PCDH1: variants seen among roughly 807,000 people sequenced by gnomAD.
PCDH1 encodes the protein protocadherin-1.
A neutral mutation model predicts 74.6 loss-of-function variants in PCDH1; 23 were observed. The observed-to-expected ratio is 0.31, with a 90% CI of 0.22 to 0.44. PCDH1 has a LOEUF of 0.44. PCDH1 is among the 20% of genes least tolerant of loss of function. The pLI is 1.00. For missense variants in PCDH1, 1,214 were observed against 1,641.4 expected (o/e 0.74, Z 4.50); for synonymous variants, 647 against 686.1 (o/e 0.94, Z 0.89).
intron 4 of PCDH1, among the ~76,000 whole-genome samples, chr5:141,855,703 C>T (rs2126802902): frequency 6.6e-6 from 1 of 152,272 alleles, no homozygotes; most frequent in South Asian, 2.1e-4. Flanking sequence ...GAGGCACACA[C>T]TCACATCCAC....
chr5:141,856,286 G>C lies in PCDH1; in HGVS notation c.3319+966C>G, dbSNP rs147124795. On this transcript the variant is annotated intron_variant, in intron 4 of 4. Transcript: ENST00000287008. ...CTCTGCGCGGGCACAAAAAGGATGA[G>C]ACGGGCATGAGATCGCGCATGGAGG... 245 of 1,528,002 alleles carry C rather than the reference G, an allele frequency of 1.6e-4. 1 individual carries two copies. The African/African-American group carries it at 2.9e-3, about 18-fold the overall frequency. The allele number at this position is 1,528,002 out of a possible 1,614,324, so 94.7% of individuals were successfully genotyped here. A position where few individuals can be genotyped will look rare whatever the true frequency, so the allele number is the denominator to read the frequency against.
chr5:141,878,176 C>G lies in PCDH1; in HGVS notation c.40+47G>C. 7.0e-7 allele frequency: 1 copy of G among 1,428,042 alleles called. No individual in the cohort carries two copies. Among genetic ancestry groups the G allele is most frequent in the East Asian group, 3.1e-5 (1 of 31,766 alleles). The allele number at this position is 1,428,042 out of a possible 1,614,324, so 88.5% of individuals were successfully genotyped here. A position where few individuals can be genotyped will look rare whatever the true frequency, so the allele number is the denominator to read the frequency against. On this transcript the variant is annotated intron_variant, in intron 1 of 4. Coordinates refer to ENST00000287008, the MANE Select transcript of PCDH1 (RefSeq NM_032420.5). This position sits in a 1 kb window ranked among gnomAD's most constrained non-coding sequence, Gnocchi z 5.5. ...CCTCAGCTCCCGCCGGCCATGACCG[C>G]TTCGGGCCCCAAGCCGCTGCTGCCT...
intron 1 of PCDH1, among the ~76,000 whole-genome samples, chr5:141,874,508 CAGAT>C (rs1249563594): frequency 6.6e-6 from 1 of 152,176 alleles, no homozygotes; most frequent in African/African-American, 2.4e-5. Context: ...CCATGTCCCT[CAGAT>C]AGAGGAGCAG....
At chr5:141,867,501 A>G (rs770855841) in intron 2 of PCDH1, 361 of 435,214 alleles carry the variant, frequency 8.3e-4, no homozygotes, top group Non-Finnish European at 1.2e-3. Context: ...GATATAATAC[A>G]CATCATGTGT....
chr5:141,871,174 G>A (rs543199675), intron 1 of PCDH1, among the ~76,000 whole-genome samples: 4 of 152,224 alleles, frequency 2.6e-5, no homozygotes, highest in Non-Finnish European at 4.4e-5. Context: ...ACAGTACTCT[G>A]TACACTCACT....
At chr5:141,866,636 A>G (rs558166145) in intron 2 of PCDH1, among the ~76,000 whole-genome samples, 25 of 152,246 alleles carry the variant, frequency 1.6e-4, no homozygotes, top group Admixed American at 8.5e-4. Context: ...CCAAGTAACT[A>G]TGTGACCTTG....
intron 1 of PCDH1, among the ~76,000 whole-genome samples, chr5:141,874,668 C>T (rs769580112): frequency 2.6e-5 from 4 of 152,178 alleles, no homozygotes; most frequent in Admixed American, 6.5e-5. Context: ...CAGCCCACCC[C>T]GGGGACCAAG....
rs1322349520 is a variant in PCDH1, at chr5:141,863,423, G to A, written c.2908C>T (p.Arg970Cys). The A allele has an allele frequency of 9.0e-6, 14 of 1,561,230 alleles. No individual in the cohort carries two copies. Among genetic ancestry groups the A allele is most frequent in the Middle Eastern group, 1.7e-4 (1 of 5,818 alleles). Residue 970 changes from arginine (R) to cysteine (C), a missense_variant, in exon 3 of 5, where the codon CGC becomes TGC. Coordinates refer to ENST00000287008, the MANE Select transcript of PCDH1 (RefSeq NM_032420.5). This position sits in a 1 kb window ranked among gnomAD's most constrained non-coding sequence, Gnocchi z 7.5. Reference sequence around the variant, plus strand: ...ATGGAAGGCAGTGGGGAGTTAGAGCGATAGTGGCGGCCCAGGTCAGGGCTG... The same window carrying A: ...ATGGAAGGCAGTGGGGAGTTAGAGCAATAGTGGCGGCCCAGGTCAGGGCTG... ...PGSPDLGRHYRSNSPLPSIQL... is the reference protein window; with the variant it reads ...PGSPDLGRHYCSNSPLPSIQL...
chr5:141,874,953 A>G (rs1226870799), intron 1 of PCDH1, among the ~76,000 whole-genome samples: 1 of 151,994 alleles, frequency 6.6e-6, no homozygotes, highest in Non-Finnish European at 1.5e-5. Context: ...ACCCTCTATT[A>G]GCCTCTGCAG....
chr5:141,859,469 T>C (rs1429513012), intron 3 of PCDH1, among the ~76,000 whole-genome samples: 1 of 152,218 alleles, frequency 6.6e-6, no homozygotes, highest in African/African-American at 2.4e-5. Context: ...CCTGAAGCTC[T>C]AGACACTTGC....
In PCDH1 at chr5:141,864,598, T is replaced by A. The variant is rs762144264; in HGVS notation, c.1733A>T (p.Tyr578Phe). 1.2e-6 allele frequency: 2 copies of A among 1,613,572 alleles called. No individual in the cohort carries two copies. Among genetic ancestry groups the A allele is most frequent in the Non-Finnish European group, 1.7e-6 (2 of 1,180,030 alleles). ...TSLDREQRES[Y>F]ELKVVAADRG... ...GTCAGCTGCCACCACCTTCAACTCA[T>A]AGCTCTCCCGCTGTTCCCGATCCAG... Residue 578 changes from tyrosine (Y) to phenylalanine (F), a missense_variant, in exon 3 of 5, where the codon TAT becomes TTT. This residue lies in a region of PCDH1 where 836 missense variants were observed against 1,182.2 expected (regional missense o/e 0.71). Coordinates refer to ENST00000287008, the MANE Select transcript of PCDH1 (RefSeq NM_032420.5). The surrounding 1 kb of genome is among the most constrained non-coding windows in gnomAD (Gnocchi z 5.9).
At chr5:141,854,493 G>A (rs1004984290) in intron 4 of PCDH1, 57 bp from the exon 5 acceptor site, 10 of 1,515,846 alleles carry the variant, frequency 6.6e-6, no homozygotes, top group Non-Finnish European at 8.0e-6. Flanking sequence ...GCAAAGCTCT[G>A]CTTCATGGCC....
At position 141,864,660 on chromosome 5, in the gene PCDH1, G is replaced by A. The variant is rs551152667; in HGVS notation, c.1671C>T (p.Ile557=). 98 of 1,613,954 alleles carry A rather than the reference G, an allele frequency of 6.1e-5. No homozygotes were observed. The highest frequency in any genetic ancestry group is 8.2e-5 in the Non-Finnish European group (97 of 1,180,024). The change falls in exon 3 of 5, where the codon ATC becomes ATT. Residue 557 remains isoleucine, a synonymous_variant. Coordinates refer to ENST00000287008, the MANE Select transcript of PCDH1 (RefSeq NM_032420.5). This position sits in a 1 kb window ranked among gnomAD's most constrained non-coding sequence, Gnocchi z 5.9. The stretch of plus-strand genomic sequence containing the variant: ...CCTGGATCTCTCCAGTCTCGGGTGA[G>A]ATGGTGAAGAGGCCCTTAGCAGCCG... ...PEPAAKGLFT[I]SPETGEIQVK... is the part of the protein sequence containing the mutation.
Position 141,863,049 on chromosome 5 carries a change from T to C in PCDH1, c.3099+183A>G, listed in dbSNP as rs939934054. The C allele has an allele frequency of 5.3e-6, 7 of 1,328,282 alleles. No homozygotes were observed. The highest frequency in any genetic ancestry group is 9.6e-7 in the Non-Finnish European group (1 of 1,037,690). 82.3% of individuals were successfully genotyped at this position (1,328,282 alleles called of 1,614,324 possible). Reference sequence around the variant, plus strand: ...GAGCACACCCTCCCTTAATCTTCACTCAGCCTAATCCGTGTGCCCGGTGAG... The same window carrying C: ...GAGCACACCCTCCCTTAATCTTCACCCAGCCTAATCCGTGTGCCCGGTGAG... On this transcript the variant is annotated intron_variant, in intron 3 of 4. Transcript: ENST00000287008. The surrounding 1 kb of genome is among the most constrained non-coding windows in gnomAD (Gnocchi z 7.5).
chr5:141,873,219 G>A (rs1163317502), intron 1 of PCDH1, among the ~76,000 whole-genome samples: 16 of 151,676 alleles, frequency 1.1e-4, no homozygotes, highest in African/African-American at 2.4e-5. Flanking sequence ...TCCACCTTTC[G>A]GGTTCAAGCA....
At position 141,863,178 on chromosome 5, in the gene PCDH1, G is replaced by T; in HGVS notation, c.3099+54C>A. ...CCCACACCTCGGTCCAGATGGCTCCGTGGTAGGGGTGGGGTAGGGGCTGGG... is the reference window on the plus strand; with the variant it reads ...CCCACACCTCGGTCCAGATGGCTCCTTGGTAGGGGTGGGGTAGGGGCTGGG... On this transcript the variant is annotated intron_variant, in intron 3 of 4. Transcript: ENST00000287008. This position sits in a 1 kb window ranked among gnomAD's most constrained non-coding sequence, Gnocchi z 7.5. 1 of 1,512,436 alleles carries T rather than the reference G, an allele frequency of 6.6e-7. No homozygotes were observed. Among genetic ancestry groups the T allele is most frequent in the Non-Finnish European group, 8.9e-7 (1 of 1,128,740 alleles). 93.7% of individuals were successfully genotyped at this position (1,512,436 alleles called of 1,614,324 possible).
At chr5:141,876,751 C>T (rs1009054958) in intron 1 of PCDH1, among the ~76,000 whole-genome samples, 1 of 152,048 alleles carries the variant, frequency 6.6e-6, no homozygotes, top group African/African-American at 2.4e-5. Context: ...AGGGGGCGCT[C>T]AGGTGTGAGA....
At chr5:141,854,469 G>T in intron 4 of PCDH1, 33 bp from the exon 5 acceptor site, 1 of 1,567,848 alleles carries the variant, frequency 6.4e-7, no homozygotes, top group South Asian at 1.2e-5. Flanking sequence ...ACAATTGTCA[G>T]ACATACAGCC....
chr5:141,857,302 T>A lies in PCDH1; in HGVS notation c.3269A>T (p.Glu1090Val), dbSNP rs141451365. The stretch of plus-strand genomic sequence containing the variant: ...TATGCTGCCATCAGGGGTGGTGCGC[T>A]CATAGTGATCCTCAGGCAGGGCCAG... Reference protein sequence around the residue: ...GPLALPEDHYERTTPDGSIGE... With the variant: ...GPLALPEDHYVRTTPDGSIGE... Residue 1090 changes from glutamate (E) to valine (V), a missense_variant, in exon 4 of 5, where the codon GAG becomes GTG. Transcript: ENST00000287008. 17 of 1,612,350 alleles carry A rather than the reference T, an allele frequency of 1.1e-5. No individual in the cohort carries two copies. The highest frequency in any genetic ancestry group is 1.4e-5 in the Non-Finnish European group (16 of 1,179,548).
Sources: allele counts gnomAD v4.1 joint callset (sites outside exome capture counted in the v4.1 genomes callset), GRCh38; gene constraint gnomAD v4.1.1; regional missense constraint gnomAD v4.1.1; non-coding constraint Gnocchi (gnomAD v3.1); transcripts MANE v1.5; gene names NCBI Gene and HGNC (gene_info 2026-07-23, HGNC 2026-07-21).